The following SCAPER variants were observed in gnomAD, a reference collection of about 807,000 sequenced individuals.
SCAPER encodes the protein S-phase cyclin A associated protein in the ER.
Under a neutral mutation model 182.2 loss-of-function variants are expected in SCAPER, and 98 were observed. The observed-to-expected ratio is 0.54, with a 90% CI of 0.46 to 0.64. The LOEUF (loss-of-function observed/expected upper bound fraction) is 0.64, where lower values mean the gene tolerates loss of function less well. Among genes scored for constraint, SCAPER ranks in the 30% least tolerant of loss-of-function variants. The pLI is 0.00. For missense variants in SCAPER, 1,432 were observed against 1,690.0 expected, an observed-to-expected ratio of 0.85 and a Z score of 2.68; for synonymous variants, 605 against 564.6, an observed-to-expected ratio of 1.07 and a Z score of -1.01.
At chr15:76,747,050 T>C (rs1205755155) in intron 15 of SCAPER, among the ~76,000 whole-genome samples, 1 of 152,198 alleles carries the variant, frequency 6.6e-6, no homozygotes, top group African/African-American at 2.4e-5. Context: ...CATTGGTACA[T>C]CATGTTTGGT....
chr15:76,462,122 A>G (rs575272732), intron 25 of SCAPER, among the ~76,000 whole-genome samples: 14 of 152,128 alleles, frequency 9.2e-5, no homozygotes, highest in Non-Finnish European at 1.9e-4. Flanking sequence ...TTCAGGATAA[A>G]AAGATTGTGG....
At position 76,451,070 on chromosome 15, in the gene SCAPER, A is replaced by G. The variant is rs1232794447; in HGVS notation, c.3079-16760T>C. Among the ~76,000 whole-genome samples, 3 of 152,248 alleles carry G rather than the reference A, an allele frequency of 2.0e-5. No homozygotes were observed. The South Asian group carries it at 6.2e-4, about 31-fold the overall frequency. On this transcript the variant is annotated intron_variant, in intron 25 of 31. Transcript: ENST00000563290. ...GGCAATCACTGATCTGCTTTGTATT[A>G]TAAATGACTTTGCATTTTCTAGAAT...
chr15:76,495,090 T>G (rs903136799), intron 24 of SCAPER, among the ~76,000 whole-genome samples: 6 of 152,108 alleles, frequency 3.9e-5, no homozygotes, highest in Admixed American at 3.9e-4. Flanking sequence ...GGAAATCAAA[T>G]GCCTTACCAT....
intron 5 of SCAPER, 65 bp downstream of exon 5, chr15:76,841,669 C>T: frequency 6.6e-7 from 1 of 1,517,914 alleles, no homozygotes. Context: ...AAGATCAAGT[C>T]ACATGTAGCA....
intron 2 of SCAPER, among the ~76,000 whole-genome samples, chr15:76,876,427 CA>C (rs1342328460): frequency 4.2e-5 from 4 of 95,244 alleles, no homozygotes; most frequent in African/African-American, 1.8e-4. Flanking sequence ...GGCTCTGCCT[CA>C]AAACAAAAGC....
At chr15:76,565,537 G>A (rs922991119) in intron 23 of SCAPER, among the ~76,000 whole-genome samples, 1 of 152,034 alleles carries the variant, frequency 6.6e-6, no homozygotes, top group East Asian at 1.9e-4. Flanking sequence ...ACAGATGCTG[G>A]TGAGGTTGTG....
intron 27 of SCAPER, among the ~76,000 whole-genome samples, chr15:76,388,945 G>GT (rs1344906619): frequency 6.8e-6 from 1 of 146,694 alleles, no homozygotes; most frequent in Non-Finnish European, 1.5e-5. Flanking sequence ...TGGCGACAGA[G>GT]TGAGACTCCA....
intron 27 of SCAPER, among the ~76,000 whole-genome samples, chr15:76,392,305 G>T (rs1428595641): frequency 6.6e-6 from 1 of 152,098 alleles, no homozygotes; most frequent in Non-Finnish European, 1.5e-5. Flanking sequence ...ATGAATACAA[G>T]AATATGTAAA....
chr15:76,706,317 G>C (rs371241549), intron 17 of SCAPER, among the ~76,000 whole-genome samples: 1 of 151,800 alleles, frequency 6.6e-6, no homozygotes, highest in Non-Finnish European at 1.5e-5. Context: ...GAATAGAAAA[G>C]GCATAAACTC....
At chr15:76,753,184 T>C (rs2062199823) in intron 15 of SCAPER, among the ~76,000 whole-genome samples, 1 of 151,800 alleles carries the variant, frequency 6.6e-6, no homozygotes, top group African/African-American at 2.4e-5. Flanking sequence ...AGCAGCTATA[T>C]TTGTAATAGA....
intron 22 of SCAPER, among the ~76,000 whole-genome samples, chr15:76,608,026 C>A (rs2050610126): frequency 6.6e-6 from 1 of 152,242 alleles, no homozygotes; most frequent in Non-Finnish European, 1.5e-5. Flanking sequence ...TCGTCAAAGT[C>A]ATTCTCTGTC....
At chr15:76,550,243 TGTTACATAGGTAAGTGTGTGCCATGGTGG>T (rs1430176963) in intron 23 of SCAPER, among the ~76,000 whole-genome samples, 1 of 152,192 alleles carries the variant, frequency 6.6e-6, no homozygotes, top group Non-Finnish European at 1.5e-5. Flanking sequence ...CATGTAGGTC[TGTTACATAGGTAAGTGTGTGCCATGGTGG>T]TTTGCTGTAC....
At chr15:76,660,994 TA>T (rs2056108927) in intron 21 of SCAPER, among the ~76,000 whole-genome samples, 2 of 152,190 alleles carry the variant, frequency 1.3e-5, no homozygotes, top group South Asian at 4.1e-4. Flanking sequence ...ACTTATACAC[TA>T]AAAATCACAA....
intron 5 of SCAPER, among the ~76,000 whole-genome samples, chr15:76,831,939 C>T (rs994300947): frequency 1.3e-5 from 2 of 152,150 alleles, no homozygotes; most frequent in Non-Finnish European, 2.9e-5. Flanking sequence ...AATTATACCA[C>T]AGTCAAACCC....
chr15:76,592,777 G>C (rs2049221125), intron 22 of SCAPER, among the ~76,000 whole-genome samples: 1 of 121,744 alleles, frequency 8.2e-6, no homozygotes, highest in African/African-American at 2.5e-5. Context: ...TTGAGGAATG[G>C]TGCACTCCAG....
intron 8 of SCAPER, among the ~76,000 whole-genome samples, chr15:76,781,328 A>C (rs1303195743): frequency 6.6e-6 from 1 of 152,208 alleles, no homozygotes; most frequent in Non-Finnish European, 1.5e-5. Context: ...AGGAGAAGAC[A>C]AGATTAGAGA....
intron 23 of SCAPER, among the ~76,000 whole-genome samples, chr15:76,516,709 T>G (rs1199038315): frequency 6.6e-6 from 1 of 152,230 alleles, no homozygotes; most frequent in East Asian, 1.9e-4. Flanking sequence ...GAATGATTTA[T>G]AATCCTTTGG....
chr15:76,512,077 G>A (rs1228827458), intron 23 of SCAPER, among the ~76,000 whole-genome samples: 4 of 151,232 alleles, frequency 2.6e-5, no homozygotes, highest in East Asian at 2.0e-4. Context: ...TAGTAGAGAC[G>A]GGGTTTCACC....
chr15:76,537,573 T>C (rs1431096357), intron 23 of SCAPER, among the ~76,000 whole-genome samples: 1 of 152,076 alleles, frequency 6.6e-6, no homozygotes, highest in African/African-American at 2.4e-5. Context: ...TAATTCAAGA[T>C]GGATTAAAGA....
Sources: gnomAD v4.1 joint callset for allele counts (sites outside exome capture counted in the v4.1 genomes callset) on GRCh38, gnomAD v4.1.1 for gene constraint, MANE v1.5 for transcripts, NCBI Gene and HGNC (gene_info 2026-07-23, HGNC 2026-07-21) for gene names.